Variants in LRP1B observed in about 807,000 individuals in gnomAD.
The protein encoded by LRP1B is low-density lipoprotein receptor-related protein 1B.
Under a neutral mutation model 556.6 loss-of-function variants are expected in LRP1B, and 217 were observed. That is an observed-to-expected ratio of 0.39 (90% CI 0.35 to 0.44). The LOEUF is 0.44. LRP1B is among the 20% of genes least tolerant of loss of function. The probability of loss-of-function intolerance (pLI) is 1.00; values close to 1 mark genes in which losing one functional copy is unlikely to be tolerated. For synonymous variants in LRP1B, 2,047 were observed against 1,865.8 expected (o/e 1.10, Z -2.50); for missense variants, 5,053 against 5,620.8 (o/e 0.90, Z 3.23).
intron 3 of LRP1B, among the ~76,000 whole-genome samples, chr2:141,409,526 C>T (rs1010423038): frequency 6.6e-6 from 1 of 151,972 alleles, no homozygotes; most frequent in Non-Finnish European, 1.5e-5. Flanking sequence ...AAACCCTGGC[C>T]CGTAACACAC....
intron 43 of LRP1B, among the ~76,000 whole-genome samples, chr2:140,554,440 A>G (rs1411147582): frequency 6.6e-6 from 1 of 152,252 alleles, no homozygotes; most frequent in African/African-American, 2.4e-5. Context: ...TTTTACTTTA[A>G]AAGATGAATA....
chr2:141,992,347 A>G (rs949176668), intron 1 of LRP1B, among the ~76,000 whole-genome samples: 1 of 152,108 alleles, frequency 6.6e-6, no homozygotes, highest in Non-Finnish European at 1.5e-5. Flanking sequence ...AACTTAATGA[A>G]GAGGAAAGCA....
At chr2:140,454,243 G>C (rs1573957358) in intron 62 of LRP1B, among the ~76,000 whole-genome samples, 1 of 152,152 alleles carries the variant, frequency 6.6e-6, no homozygotes, top group East Asian at 1.9e-4. Flanking sequence ...CCGCCTTCTG[G>C]GTTCAAGCAA....
chr2:141,783,756 T>A (rs1695337464), intron 2 of LRP1B, among the ~76,000 whole-genome samples: 1 of 151,852 alleles, frequency 6.6e-6, no homozygotes, highest in Non-Finnish European at 1.5e-5. Flanking sequence ...ATATAGCAGA[T>A]AATGTTGATA....
chr2:141,581,256 C>A (rs1006704530), intron 2 of LRP1B, among the ~76,000 whole-genome samples: 7 of 152,186 alleles, frequency 4.6e-5, no homozygotes, highest in African/African-American at 7.2e-5. Context: ...AGGATAATCT[C>A]CAATCCCTAG....
At chr2:141,889,365 A>C (rs10165154) in intron 1 of LRP1B, among the ~76,000 whole-genome samples, 62,068 of 151,952 alleles carry the variant, frequency 0.41, 12,911 homozygotes, top group South Asian at 0.54. Flanking sequence ...ATCAGCATTC[A>C]AATTATTTGC....
At chr2:141,505,088 C>A (rs982887493) in intron 2 of LRP1B, among the ~76,000 whole-genome samples, 50 of 146,772 alleles carry the variant, frequency 3.4e-4, no homozygotes, top group Admixed American at 2.0e-3. Context: ...GAATAAATCC[C>A]TCCTCTCTCT....
chr2:140,697,138 C>T (rs572896327), intron 41 of LRP1B, among the ~76,000 whole-genome samples: 3 of 152,244 alleles, frequency 2.0e-5, no homozygotes, highest in Non-Finnish European at 4.4e-5. Context: ...TATGTTTCAA[C>T]ACTTCCCTAC....
At chr2:141,968,998 T>C (rs1353020569) in intron 1 of LRP1B, among the ~76,000 whole-genome samples, 1 of 151,602 alleles carries the variant, frequency 6.6e-6, no homozygotes, top group East Asian at 1.9e-4. Flanking sequence ...CTGCAGCTAT[T>C]TGGGCTACAT....
intron 23 of LRP1B, among the ~76,000 whole-genome samples, chr2:140,892,331 A>T (rs1192511349): frequency 6.6e-6 from 1 of 152,178 alleles, no homozygotes; most frequent in Non-Finnish European, 1.5e-5. Context: ...AGTATCGGAA[A>T]TGTCTAAAGT....
chr2:141,212,575 T>C (rs1413278080), intron 6 of LRP1B, among the ~76,000 whole-genome samples: 2 of 151,628 alleles, frequency 1.3e-5, no homozygotes, highest in African/African-American at 4.9e-5. Flanking sequence ...TGAGCGACCA[T>C]GCCGGCCAAA....
intron 3 of LRP1B, among the ~76,000 whole-genome samples, chr2:141,460,370 A>T (rs931448824): frequency 6.6e-5 from 10 of 152,170 alleles, no homozygotes; most frequent in African/African-American, 2.4e-4. Flanking sequence ...TGATATAATT[A>T]AAAAATAACA....
chr2:142,092,693 G>C (rs1307709732), intron 1 of LRP1B, among the ~76,000 whole-genome samples: 1 of 151,540 alleles, frequency 6.6e-6, no homozygotes, highest in Non-Finnish European at 1.5e-5. Flanking sequence ...AGGTTTTAAT[G>C]GTAGGAAAAT....
intron 18 of LRP1B, among the ~76,000 whole-genome samples, chr2:140,970,617 C>T (rs771986079): frequency 1.3e-5 from 2 of 151,852 alleles, no homozygotes; most frequent in Non-Finnish European, 2.9e-5. Flanking sequence ...CTGCATCACT[C>T]ATGCTGGGAG....
At chr2:140,594,938 C>A (rs955857696) in intron 43 of LRP1B, among the ~76,000 whole-genome samples, 2 of 151,532 alleles carry the variant, frequency 1.3e-5, no homozygotes, top group Admixed American at 1.3e-4. Context: ...CGTAACTATA[C>A]TTTCTATTTC....
intron 6 of LRP1B, among the ~76,000 whole-genome samples, chr2:141,210,604 C>A (rs1682500733): frequency 6.6e-6 from 1 of 151,962 alleles, no homozygotes; most frequent in Admixed American, 6.6e-5. Flanking sequence ...CATGTTGTAC[C>A]AAGTATATGG....
At chr2:140,972,918 A>C (rs1696475212) in intron 18 of LRP1B, among the ~76,000 whole-genome samples, 1 of 133,934 alleles carries the variant, frequency 7.5e-6, no homozygotes, top group Admixed American at 7.6e-5. Flanking sequence ...ATGCAAGAAT[A>C]AATTTTTTGC....
intron 2 of LRP1B, among the ~76,000 whole-genome samples, chr2:141,776,975 T>A (rs1695099991): frequency 6.6e-6 from 1 of 152,204 alleles, no homozygotes; most frequent in African/African-American, 2.4e-5. Flanking sequence ...TTGCATGGGT[T>A]ATTGAACACA....
At chr2:140,766,837 AT>A (rs1559106271) in intron 35 of LRP1B, among the ~76,000 whole-genome samples, 4 of 22,592 alleles carry the variant, frequency 1.8e-4, no homozygotes, top group Non-Finnish European at 6.1e-4. Flanking sequence ...ATATATATAT[AT>A]ATATATTATA....
Sources: allele counts gnomAD v4.1 joint callset (sites outside exome capture counted in the v4.1 genomes callset), GRCh38; gene constraint gnomAD v4.1.1; transcripts MANE v1.5; gene names NCBI Gene and HGNC (gene_info 2026-07-23, HGNC 2026-07-21).